CSPP1: variants seen among roughly 807,000 people sequenced by gnomAD.
The protein encoded by CSPP1 is centrosome and spindle pole associated protein 1.
A neutral mutation model predicts 164.4 loss-of-function variants in CSPP1; 126 were observed. The observed-to-expected ratio is 0.77, with a 90% CI of 0.66 to 0.89. CSPP1 has a LOEUF of 0.89. Ranked by LOEUF, CSPP1 falls within the 40% of genes least tolerant of loss-of-function variation. The pLI, the probability that CSPP1 is intolerant of heterozygous loss-of-function variation, is 0.00. For synonymous variants in CSPP1, 472 were observed against 476.7 expected, an observed-to-expected ratio of 0.99 and a Z score of 0.13; for missense variants, 1,395 against 1,449.8, an observed-to-expected ratio of 0.96 and a Z score of 0.61.
At chr8:67,182,527 A>G (rs1265112651) in intron 28 of CSPP1, among the ~76,000 whole-genome samples, 1 of 152,216 alleles carries the variant, frequency 6.6e-6, no homozygotes, top group Non-Finnish European at 1.5e-5. Context: ...TAGATCATAT[A>G]GTAATTCTAT....
intron 4 of CSPP1, chr8:67,086,891 T>TC (rs1263112348): frequency 6.3e-6 from 6 of 957,790 alleles, no homozygotes; most frequent in African/African-American, 3.6e-5. Flanking sequence ...TTTCTTTCTT[T>TC]TTTTTTTTTT....
intron 29 of CSPP1, among the ~76,000 whole-genome samples, chr8:67,192,303 A>T (rs1800275773): frequency 6.6e-6 from 1 of 151,964 alleles, no homozygotes; most frequent in South Asian, 2.1e-4. Flanking sequence ...TTGAACTCCT[A>T]ACCTCGGGTG....
Position 67,118,345 on chromosome 8 carries a change from A to G in CSPP1, c.1594A>G (p.Thr532Ala), listed in dbSNP as rs1212939248. The change falls in exon 14 of 31, where the codon ACT becomes GCT. Residue 532 changes from threonine to alanine, a missense_variant. By Grantham distance (58) the Thr-to-Ala change is moderately conservative. Coordinates refer to ENST00000678616, the MANE Select transcript of CSPP1 (RefSeq NM_001382391.1). ...DAYYFYGSRN[T>A]FDPSLAYYGS... is the part of the protein sequence containing the mutation. The stretch of plus-strand genomic sequence containing the variant: ...ATACTATTTTTATGGGTCCAGGAAT[A>G]CTTTCGATCCCAGTCTTGCTTATTG... 1 of 1,613,624 alleles carries G rather than the reference A, an allele frequency of 6.2e-7. No individual in the cohort carries two copies.
chr8:67,136,309 C>CGA (rs991081167), intron 16 of CSPP1, among the ~76,000 whole-genome samples: 2 of 152,002 alleles, frequency 1.3e-5, no homozygotes, highest in African/African-American at 4.8e-5. Flanking sequence ...TGGTGGCTCA[C>CGA]GCCTGTAATC....
chr8:67,127,588 A>G (rs1333817494), intron 15 of CSPP1, among the ~76,000 whole-genome samples: 1 of 152,234 alleles, frequency 6.6e-6, no homozygotes, highest in African/African-American at 2.4e-5. Context: ...CAGAATTATT[A>G]AAAAGTTGGT....
chr8:67,104,966 ATTTTTTTT>A (rs1166551719), intron 8 of CSPP1, among the ~76,000 whole-genome samples: 22 of 60,742 alleles, frequency 3.6e-4, no homozygotes, highest in African/African-American at 1.2e-3. Flanking sequence ...ATATATATAT[ATTTTTTTT>A]TTTTTTTTTT....
chr8:67,111,782 G>A (rs934186724), intron 9 of CSPP1, among the ~76,000 whole-genome samples, 190 bp from the exon 10 acceptor site: 8 of 152,140 alleles, frequency 5.3e-5, no homozygotes, highest in Middle Eastern at 3.4e-3. Flanking sequence ...TGTGTTTGAC[G>A]CATAGTAGGT....
chr8:67,112,004 A>C lies in CSPP1; in HGVS notation c.1126A>C (p.Lys376Gln). The C allele has an allele frequency of 6.2e-7, 1 of 1,611,676 alleles. No homozygotes were observed. Among genetic ancestry groups the C allele is most frequent in the Non-Finnish European group, 8.5e-7 (1 of 1,178,630 alleles). The change falls in exon 10 of 31, where the codon AAA becomes CAA. Residue 376 changes from lysine to glutamine, a missense_variant. Lys to Gln is a moderately conservative substitution (Grantham distance 53). Transcript: ENST00000678616. ...GEDRELIQRR[K>Q]EKYRLELLEQ... ...AGATCGAGAACTTATTCAGAGAAGG[A>C]AAGAGAAATACAGACTAGAACTGTT... is the stretch of plus-strand genomic sequence containing the variant.
chr8:67,196,279 T>C lies in CSPP1; in HGVS notation c.*686T>C, dbSNP rs1837921555. 1 of 152,250 alleles carries C rather than the reference T, an allele frequency of 6.6e-6. No individual in the cohort carries two copies. Among genetic ancestry groups the C allele is most frequent in the Non-Finnish European group, 1.5e-5 (1 of 68,048 alleles). The allele number at this position is 152,250 out of a possible 1,614,324, so 9.4% of individuals were successfully genotyped here. A position where few individuals can be genotyped will look rare whatever the true frequency, so the allele number is the denominator to read the frequency against. ...ATTACTAAAATCTTTTTAACTACTA[T>C]GGAGCTTTCTAGACTAGTTTTCTAG... On this transcript the variant is annotated 3_prime_UTR_variant, in exon 31 of 31. Transcript: ENST00000678616.
At chr8:67,161,036 C>T (rs1268163317) in intron 21 of CSPP1, among the ~76,000 whole-genome samples, 6 of 152,098 alleles carry the variant, frequency 3.9e-5, no homozygotes, top group Admixed American at 1.3e-4. Flanking sequence ...CCAGGCTGGT[C>T]TTGAACTCCT....
At chr8:67,184,713 G>GA (rs1364154602) in intron 28 of CSPP1, among the ~76,000 whole-genome samples, 1 of 147,104 alleles carries the variant, frequency 6.8e-6, no homozygotes, top group African/African-American at 2.7e-5. Flanking sequence ...GACAGAGTGA[G>GA]ATTCTGTCTA....
intron 21 of CSPP1, among the ~76,000 whole-genome samples, chr8:67,159,721 CA>C (rs113575401): frequency 6.3e-4 from 94 of 150,288 alleles, no homozygotes; most frequent in African/African-American, 2.1e-3. Context: ...GGGGTTTCAC[CA>C]TGTTGGCCAG....
At chr8:67,070,782 C>G (rs189544213) in intron 1 of CSPP1, among the ~76,000 whole-genome samples, 297 of 150,664 alleles carry the variant, frequency 2.0e-3, no homozygotes, top group Middle Eastern at 7.0e-3. Context: ...GGGTCTTGCT[C>G]TGTTGCCCAG....
At chr8:67,167,126 C>A (rs1178529673) in intron 24 of CSPP1, among the ~76,000 whole-genome samples, 1 of 152,246 alleles carries the variant, frequency 6.6e-6, no homozygotes, top group Non-Finnish European at 1.5e-5. Context: ...CTACTTCTTT[C>A]TACACAGACA....
intron 16 of CSPP1, among the ~76,000 whole-genome samples, chr8:67,132,649 T>A (rs1821467461): frequency 6.6e-6 from 1 of 152,138 alleles, no homozygotes; most frequent in Non-Finnish European, 1.5e-5. Flanking sequence ...GGAAGACATC[T>A]AAGAGACAAT....
chr8:67,172,803 C>T (rs565802326), intron 25 of CSPP1: 4 of 340,820 alleles, frequency 1.2e-5, no homozygotes, highest in Non-Finnish European at 2.1e-5. Flanking sequence ...TGGATGAGAT[C>T]GCATAGACTA....
At chr8:67,125,915 C>T (rs540290769) in intron 15 of CSPP1, among the ~76,000 whole-genome samples, 29 of 152,212 alleles carry the variant, frequency 1.9e-4, no homozygotes, top group Non-Finnish European at 3.4e-4. Context: ...TCACTACAAC[C>T]TCTGCCTCCC....
At position 67,137,630 on chromosome 8, in the gene CSPP1, T is replaced by A. The variant is rs570137283; in HGVS notation, c.1975+27T>A. 5.6e-6 allele frequency: 8 copies of A among 1,420,866 alleles called. No individual in the cohort carries two copies. The African/African-American group carries it at 1.0e-4, about 18-fold the overall frequency. The allele number at this position is 1,420,866 out of a possible 1,614,324, so 88.0% of individuals were successfully genotyped here. On this transcript the variant is annotated intron_variant, in intron 17 of 30. Transcript: ENST00000678616. ...TACGTTATTTCTACTGACTTGTTTT[T>A]AAAATAAGCTAAATTATTTTTAACT...
chr8:67,122,803 A>G (rs982847908), intron 15 of CSPP1, among the ~76,000 whole-genome samples: 7 of 151,822 alleles, frequency 4.6e-5, no homozygotes, highest in East Asian at 1.9e-4. Flanking sequence ...TAGTTGTTCT[A>G]TTATTAGAAG....
Sources: gnomAD v4.1 joint callset for allele counts (sites outside exome capture counted in the v4.1 genomes callset) on GRCh38, gnomAD v4.1.1 for gene constraint, MANE v1.5 for transcripts, NCBI Gene and HGNC (gene_info 2026-07-23, HGNC 2026-07-21) for gene names.